SHISA9: variants seen among roughly 807,000 people sequenced by gnomAD.
SHISA9 encodes protein shisa-9.
In SHISA9, 13 loss-of-function variants were observed where a neutral mutation model predicts 38.0. That is an observed-to-expected ratio of 0.34 (90% CI 0.22 to 0.54). The LOEUF (loss-of-function observed/expected upper bound fraction) is 0.54, where lower values mean the gene tolerates loss of function less well. Ranked by LOEUF, SHISA9 falls within the 20% of genes least tolerant of loss-of-function variation. SHISA9 has a pLI of 0.91. For synonymous variants in SHISA9, 275 were observed against 242.0 expected (o/e 1.14, Z -1.27); for missense variants, 538 against 575.8 (o/e 0.93, Z 0.67).
chr16:13,528,056 T>C, the SHISA9 span, among the ~76,000 whole-genome samples: 3 of 152,186 alleles, frequency 2.0e-5, no homozygotes, highest in Non-Finnish European at 4.4e-5. Context: ...TTCATGTGGC[T>C]GTTGGGAAAA....
At chr16:13,252,949 A>G in the SHISA9 span, among the ~76,000 whole-genome samples, 1 of 152,184 alleles carries the variant, frequency 6.6e-6, no homozygotes, top group African/African-American at 2.4e-5. Context: ...CACCCCTGAA[A>G]TAGCAAGACC....
chr16:13,122,103 G>C (rs1230870454), intron 2 of SHISA9, among the ~76,000 whole-genome samples: 1 of 152,094 alleles, frequency 6.6e-6, no homozygotes, highest in Non-Finnish European at 1.5e-5. Flanking sequence ...TACTGGTCGG[G>C]GGATCTAGCA....
intron 2 of SHISA9, among the ~76,000 whole-genome samples, chr16:13,086,249 G>A (rs1304404868): frequency 6.6e-6 from 1 of 151,414 alleles, no homozygotes; most frequent in Admixed American, 6.6e-5. Flanking sequence ...CCGTGGCTTG[G>A]GAGGCTGAGG....
At chr16:13,150,030 T>TAAAAAAAAAAAAAA in intron 2 of SHISA9, among the ~76,000 whole-genome samples, 1 of 67,674 alleles carries the variant, frequency 1.5e-5, no homozygotes, top group Non-Finnish European at 2.7e-5. Flanking sequence ...TCCTCATCAT[T>TAAAAAAAAAAAAAA]AAAAAAAAAA....
chr16:12,928,804 T>A (rs1014058710), intron 2 of SHISA9, among the ~76,000 whole-genome samples: 1 of 152,238 alleles, frequency 6.6e-6, no homozygotes, highest in African/African-American at 2.4e-5. Context: ...GCATTATTTT[T>A]AAAAATTTAG....
chr16:13,282,342 C>T, the SHISA9 span, among the ~76,000 whole-genome samples: 10 of 151,800 alleles, frequency 6.6e-5, no homozygotes, highest in African/African-American at 2.4e-4. Flanking sequence ...TTCTGGCCTC[C>T]CTTGTTTCTG....
chr16:13,013,101 T>C (rs889974696), intron 2 of SHISA9, among the ~76,000 whole-genome samples: 10 of 152,232 alleles, frequency 6.6e-5, no homozygotes, highest in African/African-American at 2.2e-4. Flanking sequence ...GACCTTTCCA[T>C]GATCTGTGCT....
At chr16:13,553,896 C>G in the SHISA9 span, among the ~76,000 whole-genome samples, 4 of 152,064 alleles carry the variant, frequency 2.6e-5, no homozygotes, top group Non-Finnish European at 5.9e-5. Context: ...GAATCCAAAC[C>G]AGATGATGAT....
At chr16:13,301,220 C>G in the SHISA9 span, among the ~76,000 whole-genome samples, 1 of 152,056 alleles carries the variant, frequency 6.6e-6, no homozygotes, top group Admixed American at 6.5e-5. Context: ...TGGAAATGCC[C>G]CCAGAGGAGA....
the SHISA9 span, among the ~76,000 whole-genome samples, chr16:13,303,733 G>C: frequency 1.3e-5 from 2 of 152,266 alleles, no homozygotes; most frequent in East Asian, 3.9e-4. Context: ...CTTCAAAGTG[G>C]TTAATTTTGC....
At chr16:13,509,849 G>A in the SHISA9 span, among the ~76,000 whole-genome samples, 4 of 152,044 alleles carry the variant, frequency 2.6e-5, no homozygotes, top group Non-Finnish European at 5.9e-5. Flanking sequence ...TTCAAATCCT[G>A]GTTCTCTATT....
chr16:13,277,767 A>T, the SHISA9 span, among the ~76,000 whole-genome samples: 3 of 152,024 alleles, frequency 2.0e-5, no homozygotes, highest in African/African-American at 4.8e-5. Context: ...GTGTACATTA[A>T]TCTCATATCC....
the SHISA9 span, among the ~76,000 whole-genome samples, chr16:13,510,791 GTT>G: frequency 6.7e-6 from 1 of 148,632 alleles, no homozygotes; most frequent in African/African-American, 2.5e-5. Context: ...AATTTTCTGG[GTT>G]TTTTTTTTGT....
intron 2 of SHISA9, among the ~76,000 whole-genome samples, chr16:13,117,868 C>T (rs2074045948): frequency 6.6e-6 from 1 of 152,110 alleles, no homozygotes; most frequent in Non-Finnish European, 1.5e-5. Context: ...ATTATAGGTG[C>T]TTACTGAAAT....
At chr16:13,346,220 C>G in the SHISA9 span, among the ~76,000 whole-genome samples, 2 of 152,112 alleles carry the variant, frequency 1.3e-5, no homozygotes, top group Non-Finnish European at 1.5e-5. Context: ...TGGTATTTGA[C>G]TTTCTGTTTC....
At chr16:12,981,460 A>G (rs1478983139) in intron 2 of SHISA9, among the ~76,000 whole-genome samples, 1 of 152,134 alleles carries the variant, frequency 6.6e-6, no homozygotes, top group Non-Finnish European at 1.5e-5. Flanking sequence ...TCTGCCTCAG[A>G]TTCAAGCCAT....
the SHISA9 span, among the ~76,000 whole-genome samples, chr16:13,476,506 G>A: frequency 2.0e-5 from 3 of 152,132 alleles, no homozygotes; most frequent in African/African-American, 7.2e-5. Context: ...CCTGGTGTTT[G>A]AGAGGATATT....
At chr16:13,493,467 A>G in the SHISA9 span, among the ~76,000 whole-genome samples, 1 of 152,228 alleles carries the variant, frequency 6.6e-6, no homozygotes. Flanking sequence ...GAGGTCAGGA[A>G]GGGAAAAGGT....
the SHISA9 span, among the ~76,000 whole-genome samples, chr16:13,354,590 G>C: frequency 4.5e-4 from 68 of 149,832 alleles, no homozygotes; most frequent in Non-Finnish European, 2.5e-4. Context: ...GAACTGTAGA[G>C]AGTGAGTTGA....
Sources: gnomAD v4.1 joint callset for allele counts (sites outside exome capture counted in the v4.1 genomes callset) on GRCh38, gnomAD v4.1.1 for gene constraint, MANE v1.5 for transcripts, NCBI Gene and HGNC (gene_info 2026-07-23, HGNC 2026-07-21) for gene names.